HS2ST1: variants seen among roughly 807,000 people sequenced by gnomAD.
The protein encoded by HS2ST1 is 2-O-sulfotransferase.
In HS2ST1, 18 loss-of-function variants were observed where a neutral mutation model predicts 42.9. The observed-to-expected ratio is 0.42, with a 90% CI of 0.29 to 0.62. The LOEUF (loss-of-function observed/expected upper bound fraction) is 0.62, where lower values mean the gene tolerates loss of function less well. Among genes scored for constraint, HS2ST1 ranks in the 20% least tolerant of loss-of-function variants. The probability of loss-of-function intolerance (pLI) is 0.21; values close to 1 mark genes in which losing one functional copy is unlikely to be tolerated. For missense variants in HS2ST1, 334 were observed against 433.8 expected, an observed-to-expected ratio of 0.77 and a Z score of 2.04; for synonymous variants, 146 against 152.9, an observed-to-expected ratio of 0.95 and a Z score of 0.33.
intron 1 of HS2ST1, among the ~76,000 whole-genome samples, chr1:86,961,840 G>A (rs1647852665): frequency 6.6e-6 from 1 of 152,012 alleles, no homozygotes; most frequent in Non-Finnish European, 1.5e-5. Context: ...TGTCCTGAAT[G>A]TATCATAAAA....
chr1:86,921,107 T>C (rs573354519), intron 1 of HS2ST1, among the ~76,000 whole-genome samples: 1 of 152,316 alleles, frequency 6.6e-6, no homozygotes, highest in South Asian at 2.1e-4. Context: ...AAAACTATCT[T>C]GGTAAATGTT....
At chr1:86,966,076 G>A (rs951689913) in intron 1 of HS2ST1, among the ~76,000 whole-genome samples, 1 of 152,216 alleles carries the variant, frequency 6.6e-6, no homozygotes, top group Non-Finnish European at 1.5e-5. Context: ...GAAGGGAGAA[G>A]CCAGGGTATT....
intron 1 of HS2ST1, among the ~76,000 whole-genome samples, chr1:87,043,878 A>C (rs946255562): frequency 2.0e-5 from 3 of 152,058 alleles, no homozygotes; most frequent in African/African-American, 7.2e-5. Flanking sequence ...TGTGAGAATA[A>C]ATTTTCTTTG....
chr1:86,996,311 A>G (rs1649102246), intron 1 of HS2ST1, among the ~76,000 whole-genome samples: 1 of 152,036 alleles, frequency 6.6e-6, no homozygotes, highest in South Asian at 2.1e-4. Flanking sequence ...TCATGGTGGC[A>G]CATCCCGGTA....
intron 1 of HS2ST1, among the ~76,000 whole-genome samples, chr1:87,056,154 A>G (rs1470593180): frequency 6.6e-6 from 1 of 152,162 alleles, no homozygotes; most frequent in East Asian, 1.9e-4. Flanking sequence ...TGAGGGAGTT[A>G]GTGAGTCCTC....
At chr1:87,091,029 T>C (rs1260706661) in intron 3 of HS2ST1, among the ~76,000 whole-genome samples, 1 of 152,024 alleles carries the variant, frequency 6.6e-6, no homozygotes, top group Non-Finnish European at 1.5e-5. Flanking sequence ...GAATTATTTT[T>C]CTCCTTTGCA....
intron 1 of HS2ST1, among the ~76,000 whole-genome samples, chr1:87,064,111 C>T (rs1286924943): frequency 6.6e-6 from 1 of 152,176 alleles, no homozygotes; most frequent in Non-Finnish European, 1.5e-5. Context: ...CCGGTTTTTC[C>T]TATGAAATTG....
At chr1:86,999,544 A>G (rs1649216372) in intron 1 of HS2ST1, among the ~76,000 whole-genome samples, 1 of 152,116 alleles carries the variant, frequency 6.6e-6, no homozygotes, top group Non-Finnish European at 1.5e-5. Flanking sequence ...TTTATCTATT[A>G]ATAATCTAGG....
At chr1:87,018,082 C>G (rs1649811303) in intron 1 of HS2ST1, among the ~76,000 whole-genome samples, 1 of 151,840 alleles carries the variant, frequency 6.6e-6, no homozygotes. Context: ...GTGTCCTACT[C>G]ATCAATGTAA....
chr1:86,979,148 C>T (rs1299523235), intron 1 of HS2ST1, among the ~76,000 whole-genome samples: 5 of 152,052 alleles, frequency 3.3e-5, no homozygotes, highest in Admixed American at 1.3e-4. Context: ...GAGCCACTGC[C>T]GCTGGCTGTG....
At chr1:87,068,723 AT>A (rs1421899973) in intron 1 of HS2ST1, among the ~76,000 whole-genome samples, 1 of 152,242 alleles carries the variant, frequency 6.6e-6, no homozygotes, top group African/African-American at 2.4e-5. Context: ...TAAACAGTTG[AT>A]TAACACATAT....
chr1:87,103,610 T>A, intron 6 of HS2ST1, 21 bp downstream of exon 6: 1 of 1,481,806 alleles, frequency 6.7e-7, no homozygotes, highest in Non-Finnish European at 8.9e-7. Context: ...GAAGGGTTTC[T>A]TTTTAAAGCT....
At chr1:86,928,103 G>T (rs1329280302) in intron 1 of HS2ST1, among the ~76,000 whole-genome samples, 1 of 152,014 alleles carries the variant, frequency 6.6e-6, no homozygotes, top group Non-Finnish European at 1.5e-5. Context: ...AAATCTTGCT[G>T]CAAACCTGAA....
intron 1 of HS2ST1, chr1:87,045,265 C>G (rs368157407): frequency 9.2e-7 from 1 of 1,089,758 alleles, no homozygotes. Context: ...GGATGTTGAT[C>G]AATAAAGTAT....
At chr1:87,014,484 T>C (rs1198169592) in intron 1 of HS2ST1, among the ~76,000 whole-genome samples, 1 of 152,238 alleles carries the variant, frequency 6.6e-6, no homozygotes, top group Non-Finnish European at 1.5e-5. Context: ...TGAGATGTGA[T>C]TGGCACACAG....
At chr1:87,025,641 G>A (rs1313417731) in intron 1 of HS2ST1, among the ~76,000 whole-genome samples, 1 of 152,154 alleles carries the variant, frequency 6.6e-6, no homozygotes, top group Non-Finnish European at 1.5e-5. Context: ...GAATTTGCGT[G>A]TACATATACT....
chr1:86,950,918 T>C (rs528279397), intron 1 of HS2ST1, among the ~76,000 whole-genome samples: 7 of 152,176 alleles, frequency 4.6e-5, no homozygotes, highest in African/African-American at 7.2e-5. Context: ...TCTTTCCGGC[T>C]ACATGATTGC....
intron 1 of HS2ST1, among the ~76,000 whole-genome samples, chr1:86,917,879 A>AT (rs1660198061): frequency 6.6e-6 from 1 of 152,246 alleles, no homozygotes; most frequent in Non-Finnish European, 1.5e-5. Flanking sequence ...AATGAACATA[A>AT]TTATGTTACC....
chr1:87,056,086 C>T (rs1650961081), intron 1 of HS2ST1, among the ~76,000 whole-genome samples: 1 of 151,982 alleles, frequency 6.6e-6, no homozygotes, highest in African/African-American at 2.4e-5. Context: ...GTGGTGGGAC[C>T]TTTAAGAGGC....
Sources: allele counts gnomAD v4.1 joint callset (sites outside exome capture counted in the v4.1 genomes callset), GRCh38; gene constraint gnomAD v4.1.1; transcripts MANE v1.5; gene names NCBI Gene and HGNC (gene_info 2026-07-23, HGNC 2026-07-21).